NUP153: variants seen among roughly 807,000 people sequenced by gnomAD.
The protein encoded by NUP153 is nuclear pore complex protein Nup153.
A neutral mutation model predicts 134.6 loss-of-function variants in NUP153; 27 were observed. The observed-to-expected ratio is 0.20, with a 90% CI of 0.15 to 0.28. The LOEUF (loss-of-function observed/expected upper bound fraction) is 0.28. Among genes scored for constraint, NUP153 ranks in the 10% least tolerant of loss-of-function variants. The probability of loss-of-function intolerance (pLI) is 1.00; values close to 1 mark genes in which losing one functional copy is unlikely to be tolerated. For missense variants in NUP153, 1,821 were observed against 1,731.3 expected, an observed-to-expected ratio of 1.05 and a Z score of -0.92; for synonymous variants, 640 against 623.5, an observed-to-expected ratio of 1.03 and a Z score of -0.40.
intron 16 of NUP153, among the ~76,000 whole-genome samples, chr6:17,634,991 A>G (rs138466995): frequency 1.4e-5 from 2 of 144,942 alleles, no homozygotes; most frequent in African/African-American, 5.1e-5. Flanking sequence ...AAAAAAAAAA[A>G]TAAATCGCAA....
At chr6:17,704,576 A>G (rs1420746929) in intron 1 of NUP153, among the ~76,000 whole-genome samples, 1 of 152,202 alleles carries the variant, frequency 6.6e-6, no homozygotes, top group African/African-American at 2.4e-5. Flanking sequence ...TTGAAAACTA[A>G]GCACTTTATG....
chr6:17,617,778 G>A (rs908546629), intron 20 of NUP153, among the ~76,000 whole-genome samples: 50 of 152,162 alleles, frequency 3.3e-4, no homozygotes, highest in African/African-American at 1.0e-3. Context: ...CTAGGAGGTC[G>A]AGGACGCAGT....
intron 1 of NUP153, among the ~76,000 whole-genome samples, chr6:17,695,485 A>C (rs190182676): frequency 6.6e-6 from 1 of 152,318 alleles, no homozygotes; most frequent in East Asian, 1.9e-4. Context: ...CCACCATTTT[A>C]ATTAGTATCT....
rs568982240 is a variant in NUP153 at position 17,637,698 on chromosome 6, G to A, written c.1919C>T (p.Pro640Leu). Reference protein sequence around the residue: ...TATSPVVYTRPAISSFSSSGI... With the variant: ...TATSPVVYTRLAISSFSSSGI... ...ACTAGAAGAAAAGCTACTTATTGCT[G>A]GTCTTGTATAAACTACTGGGCTTGT... is the stretch of plus-strand genomic sequence containing the variant. The change falls in exon 16 of 22, where the codon CCA (proline) becomes CTA (leucine). Residue 640 changes from proline (P) to leucine (L), a missense_variant. By Grantham distance (98) the Pro-to-Leu change is moderately conservative. Transcript: ENST00000262077. 6.2e-7 allele frequency: 1 copy of A among 1,610,546 alleles called. No individual in the cohort carries two copies. The highest frequency in any genetic ancestry group is 1.3e-5 in the African/African-American group (1 of 75,028).
At chr6:17,635,750 T>A (rs990853208) in intron 16 of NUP153, among the ~76,000 whole-genome samples, 12 of 152,106 alleles carry the variant, frequency 7.9e-5, no homozygotes, top group African/African-American at 2.7e-4. Context: ...GGTCTCCAAA[T>A]TTTTTTGTTT....
At chr6:17,663,288 G>T (rs1581724320) in intron 9 of NUP153, among the ~76,000 whole-genome samples, 2 of 150,986 alleles carry the variant, frequency 1.3e-5, no homozygotes, top group South Asian at 4.2e-4. Context: ...TTGAGTCAGG[G>T]TCTTACTCTC....
rs1321893556 is a variant in NUP153, at chr6:17,698,352, G to A, written c.111+7925C>T. ...TCACGCCTGTAATCTCAGTGCTTTG[G>A]AGGCCAAGGCAGGGGTTCTGCTTCA... is the stretch of plus-strand genomic sequence containing the variant. On this transcript the variant is annotated intron_variant, in intron 1 of 21. Transcript: ENST00000262077. Among the ~76,000 whole-genome samples, 5 of 152,184 alleles carry A rather than the reference G, an allele frequency of 3.3e-5. 1 individual carries two copies. The South Asian group carries it at 8.3e-4, about 25-fold the overall frequency.
rs1035953900 is a variant in NUP153, at chr6:17,688,731, C to T, written c.112-113G>A. 5.4e-6 allele frequency: 4 copies of T among 746,586 alleles called. No individual in the cohort carries two copies. The African/African-American group carries it at 7.1e-5, about 13-fold the overall frequency. 46.2% of individuals were successfully genotyped at this position (746,586 alleles called of 1,614,324 possible). On this transcript the variant is annotated intron_variant, in intron 1 of 21. Transcript: ENST00000262077. ...AACACAATGGTGTCCAACAAGTTTG[C>T]CAAAATTCAGTTACTACAGTTACTG...
At position 17,675,576 on chromosome 6, in the gene NUP153, C is replaced by A; in HGVS notation, c.529G>T (p.Asp177Tyr). 6.2e-7 allele frequency: 1 copy of A among 1,613,928 alleles called. No homozygotes were observed. Among genetic ancestry groups the A allele is most frequent in the Non-Finnish European group, 8.5e-7 (1 of 1,179,838 alleles). ...CTGGTAGTTGAGATGTTATCATCAT[C>A]ATGCTGAGAGGTAGAATCTTTAATT... Reference protein sequence around the residue: ...KEIKDSTSQHDDDNISTTSGF... With the variant: ...KEIKDSTSQHYDDNISTTSGF... Residue 177 changes from aspartate (D) to tyrosine (Y), a missense_variant, in exon 3 of 22, where the codon GAT becomes TAT. Physicochemically the swap from Asp to Tyr is radical, Grantham distance 160. Transcript: ENST00000262077. This position sits in a 1 kb window ranked among gnomAD's most constrained non-coding sequence, Gnocchi z 4.4.
rs939373968 is a variant in NUP153 at position 17,617,365 on chromosome 6, A to G, written c.4175-670T>C. 5.3e-5 allele frequency among the ~76,000 whole-genome samples: 8 copies of G among 152,054 alleles called. No homozygotes were observed. The South Asian group carries it at 1.7e-3, about 32-fold the overall frequency. ...GAAGGCTGACTAGAGTTGATACTAAACGAGCAGTAGGGAAAGAACAGAAGC... is the reference window on the plus strand; with the variant it reads ...GAAGGCTGACTAGAGTTGATACTAAGCGAGCAGTAGGGAAAGAACAGAAGC... On this transcript the variant is annotated intron_variant, in intron 20 of 21. Transcript: ENST00000262077.
At chr6:17,633,198 AAG>A in intron 16 of NUP153, among the ~76,000 whole-genome samples, 1 of 152,320 alleles carries the variant, frequency 6.6e-6, no homozygotes, top group African/African-American at 2.4e-5. Flanking sequence ...AATTTTTCTT[AAG>A]AATCTTTTTC....
chr6:17,640,664 C>T (rs913104920), intron 14 of NUP153, among the ~76,000 whole-genome samples: 4 of 152,092 alleles, frequency 2.6e-5, no homozygotes, highest in Non-Finnish European at 4.4e-5. Flanking sequence ...TCAGCAAGGC[C>T]GGAGTACAGT....
At chr6:17,682,752 A>C (rs372996702) in intron 2 of NUP153, among the ~76,000 whole-genome samples, 16 of 151,750 alleles carry the variant, frequency 1.1e-4, no homozygotes, top group South Asian at 4.2e-4. Flanking sequence ...CCCCATCTCT[A>C]CTAAAAATAC....
intron 20 of NUP153, 46 bp from the exon 21 acceptor site, chr6:17,616,741 G>C (rs922118386): frequency 2.6e-6 from 4 of 1,554,352 alleles, no homozygotes; most frequent in Middle Eastern, 1.7e-4. Context: ...AAAATGATAG[G>C]TTTTTTTGTT....
At chr6:17,698,622 C>T (rs1429721968) in intron 1 of NUP153, among the ~76,000 whole-genome samples, 1 of 151,782 alleles carries the variant, frequency 6.6e-6, no homozygotes, top group Non-Finnish European at 1.5e-5. Flanking sequence ...CCTGTAGTCC[C>T]AGCTACTTGG....
chr6:17,650,837 A>G (rs1010271675), intron 11 of NUP153, among the ~76,000 whole-genome samples: 1 of 152,214 alleles, frequency 6.6e-6, no homozygotes, highest in Non-Finnish European at 1.5e-5. Context: ...CAGATGTAAT[A>G]CAAGTAAGTA....
At chr6:17,668,069 CTTTTTTTTTTTTT>C (rs762142682) in intron 8 of NUP153, among the ~76,000 whole-genome samples, 2 of 87,228 alleles carry the variant, frequency 2.3e-5, no homozygotes, top group Non-Finnish European at 4.2e-5. Flanking sequence ...GTTTACTGAA[CTTTTTTTTTTTTT>C]TTTTTTTTTT....
intron 16 of NUP153, among the ~76,000 whole-genome samples, chr6:17,635,678 C>T (rs571028026): frequency 5.9e-5 from 9 of 152,300 alleles, no homozygotes; most frequent in Admixed American, 2.0e-4. Context: ...GGATTACAGG[C>T]GTGAGCCACA....
intron 1 of NUP153, among the ~76,000 whole-genome samples, chr6:17,693,379 A>G (rs1769405945): frequency 6.6e-6 from 1 of 151,972 alleles, no homozygotes; most frequent in Non-Finnish European, 1.5e-5. Context: ...GAGTAAAGAG[A>G]GGTCTTTTTT....
Sources: gnomAD v4.1 joint callset for allele counts (sites outside exome capture counted in the v4.1 genomes callset) on GRCh38, gnomAD v4.1.1 for gene constraint, Gnocchi (gnomAD v3.1) non-coding constraint, MANE v1.5 for transcripts, NCBI Gene and HGNC (gene_info 2026-07-23, HGNC 2026-07-21) for gene names.